ZHX2: variants seen among roughly 807,000 people sequenced by gnomAD.
ZHX2 encodes zinc fingers and homeoboxes 2.
ZHX2 carries 6 observed loss-of-function variants against 21.9 expected under a neutral mutation model. The ratio of observed to expected loss-of-function variants is 0.27; its 90% CI spans 0.15 to 0.54. The LOEUF is 0.54. Ranked by LOEUF, ZHX2 falls within the 20% of genes least tolerant of loss-of-function variation. The probability of loss-of-function intolerance (pLI) is 0.95; values close to 1 mark genes in which losing one functional copy is unlikely to be tolerated. For synonymous variants in ZHX2, 434 were observed against 437.1 expected (o/e 0.99, Z 0.09); for missense variants, 908 against 1,090.7 (o/e 0.83, Z 2.36).
intron 1 of ZHX2, among the ~76,000 whole-genome samples, chr8:122,810,183 G>A (rs1191001441): frequency 4.6e-5 from 7 of 152,226 alleles, no homozygotes; most frequent in Non-Finnish European, 1.5e-5. Context: ...CGTCCAGTGT[G>A]CAGGCTTAAG....
chr8:122,904,436 CA>C (rs1207669991), intron 2 of ZHX2, among the ~76,000 whole-genome samples: 2 of 152,148 alleles, frequency 1.3e-5, no homozygotes, highest in African/African-American at 4.8e-5. Flanking sequence ...AGTAGACTTT[CA>C]TGACCCCACG....
At chr8:122,954,656 C>T (rs1813246314) in intron 3 of ZHX2, among the ~76,000 whole-genome samples, 1 of 152,144 alleles carries the variant, frequency 6.6e-6, no homozygotes, top group Non-Finnish European at 1.5e-5. Context: ...AAAATGGGGG[C>T]TGATGGAACC....
rs780229582 is a variant in ZHX2, at chr8:122,870,505, G to A, written c.-220+6966G>A. Among the ~76,000 whole-genome samples, 9 of 151,748 alleles carry A rather than the reference G, an allele frequency of 5.9e-5. No individual in the cohort carries two copies. In the South Asian group the frequency reaches 8.3e-4, roughly 14 times the overall value. ...TAAAAAAAAAATAGCTGGGCGTAGT[G>A]ACAGGTGCCTGTAATCCCAGCTACT... On this transcript the variant is annotated intron_variant, in intron 2 of 3. Coordinates refer to ENST00000314393, the MANE Select transcript of ZHX2 (RefSeq NM_014943.5).
intron 2 of ZHX2, among the ~76,000 whole-genome samples, chr8:122,878,581 A>G (rs1819623150): frequency 6.6e-6 from 1 of 152,192 alleles, no homozygotes; most frequent in African/African-American, 2.4e-5. Flanking sequence ...TTTTGCAGAA[A>G]GGTACAAGAG....
chr8:122,966,215 T>G (rs78891501), intron 3 of ZHX2, among the ~76,000 whole-genome samples: 1 of 151,396 alleles, frequency 6.6e-6, no homozygotes, highest in East Asian at 1.9e-4. Flanking sequence ...AATACCTTGG[T>G]TTTTTTTTCA....
chr8:122,966,256 T>G (rs931439262), intron 3 of ZHX2, among the ~76,000 whole-genome samples: 4 of 152,198 alleles, frequency 2.6e-5, no homozygotes, highest in Admixed American at 1.3e-4. Flanking sequence ...TCCAATGAGA[T>G]TTATGCTTTA....
rs1818307671 is a variant in ZHX2, at chr8:122,828,478, C to T, written c.-282-34999C>T. On this transcript the variant is annotated intron_variant, in intron 1 of 3. Transcript: ENST00000314393. This position sits in a 1 kb window ranked among gnomAD's most constrained non-coding sequence, Gnocchi z 5.2. ...GAGTAACAGAAGAGAAACCAAAACC[C>T]AGGAAGACAGGGAGAGCTGCGGCCC... 6.6e-6 allele frequency among the ~76,000 whole-genome samples: 1 copy of T among 152,174 alleles called. No homozygotes were observed. The highest frequency in any genetic ancestry group is 2.4e-5 in the African/African-American group (1 of 41,446).
intron 2 of ZHX2, among the ~76,000 whole-genome samples, chr8:122,906,660 A>AATTTCCTT (rs1199286139): frequency 8.5e-4 from 128 of 149,918 alleles, no homozygotes; most frequent in African/African-American, 2.9e-3. Flanking sequence ...TGTATCACAT[A>AATTTCCTT]ATTTCCTTTT....
At chr8:122,877,641 T>C (rs1173790279) in intron 2 of ZHX2, among the ~76,000 whole-genome samples, 2 of 152,056 alleles carry the variant, frequency 1.3e-5, no homozygotes, top group Non-Finnish European at 2.9e-5. Context: ...AGCACACAAA[T>C]GGTGGTACTC....
intron 2 of ZHX2, among the ~76,000 whole-genome samples, chr8:122,948,591 A>G (rs1195670902): frequency 6.6e-6 from 1 of 152,248 alleles, no homozygotes; most frequent in Non-Finnish European, 1.5e-5. Context: ...CTCTAAACAT[A>G]CAAAAGTTCT....
At chr8:122,937,825 A>G (rs902929178) in intron 2 of ZHX2, among the ~76,000 whole-genome samples, 2 of 141,814 alleles carry the variant, frequency 1.4e-5, no homozygotes, top group African/African-American at 5.4e-5. Context: ...CAAGCAATCC[A>G]CCCGCCTCAG....
chr8:122,926,408 T>A (rs530904369), intron 2 of ZHX2, among the ~76,000 whole-genome samples: 63 of 152,316 alleles, frequency 4.1e-4, no homozygotes, highest in Middle Eastern at 6.8e-3. Flanking sequence ...GTAAACTCTC[T>A]GAGTATAGGG....
chr8:122,890,760 C>T (rs576370416), intron 2 of ZHX2, among the ~76,000 whole-genome samples: 2 of 151,960 alleles, frequency 1.3e-5, no homozygotes, highest in Non-Finnish European at 2.9e-5. Flanking sequence ...TCAGCCAGTT[C>T]GTTATTGGTA....
intron 1 of ZHX2, among the ~76,000 whole-genome samples, chr8:122,805,936 C>T (rs1817814462): frequency 6.6e-6 from 1 of 152,220 alleles, no homozygotes; most frequent in Non-Finnish European, 1.5e-5. Flanking sequence ...AGTTCCTCTA[C>T]CTTGTTGCCA....
chr8:122,951,148 C>G (rs936296593), intron 2 of ZHX2, 144 bp from the exon 3 acceptor site: 1 of 190,986 alleles, frequency 5.2e-6, no homozygotes, highest in Non-Finnish European at 1.1e-5. Context: ...TTTCGTGTTT[C>G]TAAGCACTTT....
At chr8:122,875,983 A>G (rs779902276) in intron 2 of ZHX2, among the ~76,000 whole-genome samples, 5 of 152,210 alleles carry the variant, frequency 3.3e-5, no homozygotes, top group Non-Finnish European at 5.9e-5. Flanking sequence ...ACAGACATCT[A>G]TAATTTGGGT....
intron 2 of ZHX2, among the ~76,000 whole-genome samples, chr8:122,901,867 C>G (rs1276510674): frequency 6.6e-6 from 1 of 152,004 alleles, no homozygotes; most frequent in Non-Finnish European, 1.5e-5. Context: ...AAAAAATCAC[C>G]CAACATTGAG....
chr8:122,868,120 C>T (rs374152941), intron 2 of ZHX2, among the ~76,000 whole-genome samples: 2 of 152,116 alleles, frequency 1.3e-5, no homozygotes, highest in African/African-American at 2.4e-5. Context: ...CTGAGTCATA[C>T]GGTGATTCGG....
In ZHX2 at chr8:122,961,491, A is replaced by G. The variant is rs141191762; in HGVS notation, c.*4+7463A>G. 5.3e-3 allele frequency among the ~76,000 whole-genome samples: 814 copies of G among 152,302 alleles called. 4 individuals are homozygous for G. Among genetic ancestry groups the G allele is most frequent in the African/African-American group, 0.018 (745 of 41,556 alleles). ...TGTATTAGGCTGTTTTCATACTGCTATAAAGAACTGCCCAAGACTAGGTAA... is the reference window on the plus strand; with the variant it reads ...TGTATTAGGCTGTTTTCATACTGCTGTAAAGAACTGCCCAAGACTAGGTAA... On this transcript the variant is annotated intron_variant, in intron 3 of 3. Transcript: ENST00000314393.
Sources: allele counts gnomAD v4.1 joint callset (sites outside exome capture counted in the v4.1 genomes callset), GRCh38; gene constraint gnomAD v4.1.1; non-coding constraint Gnocchi (gnomAD v3.1); transcripts MANE v1.5; gene names NCBI Gene and HGNC (gene_info 2026-07-23, HGNC 2026-07-21).